IL10RB: variants seen among roughly 807,000 people sequenced by gnomAD.
IL10RB encodes the protein interleukin-10 receptor subunit beta.
Under a neutral mutation model 38.7 loss-of-function variants are expected in IL10RB, and 30 were observed. The observed-to-expected ratio is 0.78, with a 90% confidence interval of 0.58 to 1.05. The LOEUF (loss-of-function observed/expected upper bound fraction) is 1.05, where lower values mean the gene tolerates loss of function less well. Ranked by LOEUF, IL10RB falls within the 50% of genes least tolerant of loss-of-function variation. The probability of loss-of-function intolerance (pLI) is 0.00; values close to 1 mark genes in which losing one functional copy is unlikely to be tolerated. For missense variants in IL10RB, 328 were observed against 397.1 expected (o/e 0.83, Z 1.48); for synonymous variants, 142 against 145.9 (o/e 0.97, Z 0.19).
At chr21:33,267,187 G>A (rs905260803) in intron 1 of IL10RB, among the ~76,000 whole-genome samples, 2 of 151,970 alleles carry the variant, frequency 1.3e-5, no homozygotes, top group African/African-American at 4.8e-5. Flanking sequence ...CTGGCCTTCC[G>A]GGATACCCCT....
intron 1 of IL10RB, among the ~76,000 whole-genome samples, chr21:33,304,946 C>A (rs928423618): frequency 6.6e-6 from 1 of 151,986 alleles, no homozygotes; most frequent in African/African-American, 2.4e-5. Flanking sequence ...ACTAAGGACA[C>A]AAAAAAAGCA....
At chr21:33,305,019 A>G (rs1178476359) in intron 1 of IL10RB, among the ~76,000 whole-genome samples, 3 of 152,242 alleles carry the variant, frequency 2.0e-5, no homozygotes, top group East Asian at 1.9e-4. Flanking sequence ...AGGCTGTCCA[A>G]AAAAGGTAAA....
chr21:33,278,625 T>C (rs910496156), intron 3 of IL10RB, among the ~76,000 whole-genome samples: 1 of 152,170 alleles, frequency 6.6e-6, no homozygotes. Context: ...GTCATACAGG[T>C]CATGAGTGGC....
chr21:33,294,929 C>T (rs1989561617), intron 6 of IL10RB, among the ~76,000 whole-genome samples: 1 of 152,170 alleles, frequency 6.6e-6, no homozygotes, highest in Non-Finnish European at 1.5e-5. Context: ...GACTGTGGTC[C>T]CTGCCCTTAA....
intron 4 of IL10RB, among the ~76,000 whole-genome samples, chr21:33,282,583 C>G (rs569161848): frequency 5.9e-5 from 9 of 151,494 alleles, no homozygotes; most frequent in African/African-American, 1.9e-4. Flanking sequence ...TATTTATTTA[C>G]TTTTTTCTTT....
chr21:33,277,608 G>A (rs1700103042), intron 3 of IL10RB, among the ~76,000 whole-genome samples: 1 of 151,334 alleles, frequency 6.6e-6, no homozygotes, highest in South Asian at 2.1e-4. Flanking sequence ...CCAACACTTT[G>A]GGAGGCTGAG....
intron 2 of IL10RB, among the ~76,000 whole-genome samples, chr21:33,269,323 A>G (rs1005379296): frequency 6.6e-6 from 1 of 152,226 alleles, no homozygotes; most frequent in African/African-American, 2.4e-5. Flanking sequence ...ACACACCTTT[A>G]GGCCAGGCGC....
chr21:33,273,747 T>C (rs1165130942), intron 2 of IL10RB, among the ~76,000 whole-genome samples: 2 of 152,266 alleles, frequency 1.3e-5, no homozygotes, highest in Non-Finnish European at 2.9e-5. Context: ...AAATCCTTTG[T>C]TGTCATTTCA....
At chr21:33,277,210 G>T (rs890982323) in intron 3 of IL10RB, among the ~76,000 whole-genome samples, 1 of 152,102 alleles carries the variant, frequency 6.6e-6, no homozygotes, top group African/African-American at 2.4e-5. Context: ...AGGGCTGATG[G>T]CAGGTGGGTT....
chr21:33,276,083 C>G (rs1989165130), intron 2 of IL10RB, among the ~76,000 whole-genome samples: 1 of 152,138 alleles, frequency 6.6e-6, no homozygotes, highest in Non-Finnish European at 1.5e-5. Context: ...TGCTGCAGAC[C>G]TTCGATTTGT....
downstream of IL10RB, among the ~76,000 whole-genome samples, chr21:33,297,570 A>G (rs2082973063): frequency 6.6e-6 from 1 of 152,150 alleles, no homozygotes. Flanking sequence ...GTAATCCCAG[A>G]ACTTTGGGAG....
At chr21:33,309,331 T>C (rs2083006475) in exon 2 of IL10RB, 1 of 152,200 alleles carries the variant, frequency 6.6e-6, no homozygotes, top group African/African-American at 2.4e-5. Flanking sequence ...ATTTTGACTT[T>C]TTTCTGAAAC....
chr21:33,291,179 A>T (rs1001475631), intron 6 of IL10RB, among the ~76,000 whole-genome samples: 2 of 151,862 alleles, frequency 1.3e-5, no homozygotes, highest in African/African-American at 4.8e-5. Flanking sequence ...GCTCCACTAT[A>T]CCCTCATTCT....
intron 1 of IL10RB, chr21:33,308,572 G>A (rs2083004375): frequency 6.6e-6 from 1 of 152,152 alleles, no homozygotes; most frequent in Admixed American, 6.6e-5. Context: ...ACTTTTGACA[G>A]TCCCGTAGAT....
At chr21:33,305,571 C>CA (rs1450824103) in intron 1 of IL10RB, among the ~76,000 whole-genome samples, 2 of 152,086 alleles carry the variant, frequency 1.3e-5, no homozygotes, top group East Asian at 3.9e-4. Context: ...ATTGTAGCAG[C>CA]GTAGGCAGGG....
intron 2 of IL10RB, among the ~76,000 whole-genome samples, chr21:33,275,956 A>G (rs1989162306): frequency 1.3e-5 from 2 of 152,186 alleles, no homozygotes; most frequent in African/African-American, 4.8e-5. Flanking sequence ...CATAACACAT[A>G]TAATCATGAT....
chr21:33,298,609 A>T (rs8178576), downstream of IL10RB, among the ~76,000 whole-genome samples: 25,204 of 152,142 alleles, frequency 0.17, 2,661 homozygotes, highest in East Asian at 0.36. Flanking sequence ...GCGAGACTCC[A>T]TCTCTAAATA....
intron 2 of IL10RB, among the ~76,000 whole-genome samples, chr21:33,276,064 A>T (rs778160598): frequency 6.6e-6 from 1 of 152,276 alleles, no homozygotes; most frequent in Non-Finnish European, 1.5e-5. Flanking sequence ...GACTTGCTCA[A>T]TGCAGGGTTG....
chr21:33,296,488 C>A lies in IL10RB; in HGVS notation c.*131C>A. The A allele has an allele frequency of 2.2e-6, 2 of 894,612 alleles. No homozygotes were observed. The highest frequency in any genetic ancestry group is 2.6e-5 in the East Asian group (1 of 38,204). The allele number at this position is 894,612 out of a possible 1,614,324, so 55.4% of individuals were successfully genotyped here. A position where few individuals can be genotyped will look rare whatever the true frequency, so the allele number is the denominator to read the frequency against. On this transcript the variant is annotated 3_prime_UTR_variant, in exon 7 of 7. Transcript: ENST00000290200. ...CAGCCCCACATCTAGAACTCCCAGA[C>A]CCTGGACTTAGCCACCAGAGAGCTA... is the stretch of plus-strand genomic sequence containing the variant.
Sources: allele counts gnomAD v4.1 joint callset (sites outside exome capture counted in the v4.1 genomes callset), GRCh38; gene constraint gnomAD v4.1.1; transcripts MANE v1.5; gene names NCBI Gene and HGNC (gene_info 2026-07-23, HGNC 2026-07-21).